Variants in CADPS observed in about 807,000 individuals in gnomAD.
The protein encoded by CADPS is calcium dependent secretion activator.
In CADPS, 57 loss-of-function variants were observed where a neutral mutation model predicts 167.3. The ratio of observed to expected loss-of-function variants is 0.34; its 90% CI spans 0.28 to 0.42. The LOEUF is 0.42. Ranked by LOEUF, CADPS falls within the 20% of genes least tolerant of loss-of-function variation. The pLI is 1.00. For missense variants in CADPS, 1,414 were observed against 1,738.1 expected (o/e 0.81, Z 3.32); for synonymous variants, 676 against 635.3 (o/e 1.06, Z -0.96).
At chr3:62,511,374 A>G (rs1417960578) in intron 17 of CADPS, among the ~76,000 whole-genome samples, 1 of 152,154 alleles carries the variant, frequency 6.6e-6, no homozygotes, top group Non-Finnish European at 1.5e-5. Context: ...GACTCCAGCT[A>G]TACCACTTAT....
Position 62,536,473 on chromosome 3 carries a change from T to C in CADPS, c.2075A>G (p.His692Arg). 1.2e-6 allele frequency: 2 copies of C among 1,613,400 alleles called. No homozygotes were observed. Among genetic ancestry groups the C allele is most frequent in the South Asian group, 2.2e-5 (2 of 91,034 alleles). ...FEMVQRLTLD[H>R]RLNDSYSCLG... ...GCAAGAATAGGAATCATTAAGTCTG[T>C]GATCCAAAGTAAGGCGTTGTACCAT... The change falls in exon 12 of 30, where the codon CAC becomes CGC. Residue 692 changes from histidine to arginine, a missense_variant. By Grantham distance (29) the His-to-Arg change is conservative (BLOSUM62 0). Transcript: ENST00000383710.
chr3:62,487,363 G>A (rs960890380), intron 21 of CADPS, among the ~76,000 whole-genome samples: 11 of 152,202 alleles, frequency 7.2e-5, no homozygotes, highest in Admixed American at 3.9e-4. Context: ...TCCATTTCTT[G>A]TTAGGACCAA....
intron 4 of CADPS, among the ~76,000 whole-genome samples, chr3:62,657,750 A>G (rs2072056061): frequency 6.6e-6 from 1 of 152,102 alleles, no homozygotes; most frequent in African/African-American, 2.4e-5. Context: ...GATTGAACTG[A>G]CAGATTACAC....
chr3:62,433,986 C>T lies in CADPS; in HGVS notation c.3777+4118G>A, dbSNP rs1023159677. ...CTTGAGCTTGTGCTTTCCTCTGTAG[C>T]TGCTGCTTTAGGAATATGGAGATTA... On this transcript the variant is annotated intron_variant, in intron 28 of 29. Transcript: ENST00000383710. This position sits in a 1 kb window ranked among gnomAD's most constrained non-coding sequence, Gnocchi z 4.7. Among the ~76,000 whole-genome samples the T allele has an allele frequency of 3.9e-5, 6 of 152,186 alleles. No homozygotes were observed. Among genetic ancestry groups the T allele is most frequent in the African/African-American group, 1.4e-4 (6 of 41,440 alleles).
At chr3:62,436,104 T>G (rs1196006187) in intron 28 of CADPS, among the ~76,000 whole-genome samples, 1 of 152,142 alleles carries the variant, frequency 6.6e-6, no homozygotes, top group Non-Finnish European at 1.5e-5. Context: ...GGTTGCACTT[T>G]CCTTTAAGAA....
chr3:62,692,279 C>A (rs1254099564), intron 3 of CADPS, among the ~76,000 whole-genome samples: 4 of 119,550 alleles, frequency 3.3e-5, no homozygotes, highest in African/African-American at 3.2e-5. Context: ...GCATTTTAAC[C>A]CCACTTCCAA....
At chr3:62,738,871 A>G (rs2079579046) in intron 3 of CADPS, among the ~76,000 whole-genome samples, 1 of 152,150 alleles carries the variant, frequency 6.6e-6, no homozygotes, top group Non-Finnish European at 1.5e-5. Context: ...TAAAACATTG[A>G]CTGTTTACTA....
chr3:62,484,408 A>T (rs2062500813), intron 21 of CADPS, among the ~76,000 whole-genome samples: 1 of 152,158 alleles, frequency 6.6e-6, no homozygotes, highest in South Asian at 2.1e-4. Context: ...GACTATAATG[A>T]ATTATTACTT....
At chr3:62,779,303 C>A (rs867427580) in intron 1 of CADPS, 5 of 376,040 alleles carry the variant, frequency 1.3e-5, no homozygotes, top group Non-Finnish European at 2.1e-5. Flanking sequence ...TGGGTTGCAG[C>A]CTTCTTTCCC....
intron 3 of CADPS, among the ~76,000 whole-genome samples, chr3:62,686,488 T>C (rs2078056960): frequency 6.6e-6 from 1 of 152,054 alleles, no homozygotes; most frequent in Admixed American, 6.5e-5. Context: ...TTCTGAAGTT[T>C]TTCTCTTTTT....
chr3:62,836,952 T>A (rs1488641175), intron 1 of CADPS, among the ~76,000 whole-genome samples: 1 of 152,144 alleles, frequency 6.6e-6, no homozygotes, highest in East Asian at 1.9e-4. Flanking sequence ...TTTCTACCAA[T>A]ATAGATGCCT....
intron 1 of CADPS, among the ~76,000 whole-genome samples, chr3:62,859,719 C>T (rs1018119772): frequency 2.0e-5 from 3 of 152,152 alleles, no homozygotes; most frequent in Non-Finnish European, 4.4e-5. Flanking sequence ...GGGCTTTTGT[C>T]AAAACTCATA....
chr3:62,615,979 C>T (rs550813173), intron 6 of CADPS, among the ~76,000 whole-genome samples: 3 of 152,152 alleles, frequency 2.0e-5, no homozygotes, highest in Non-Finnish European at 4.4e-5. Context: ...CATCACTTTA[C>T]AGCTAAACTC....
At chr3:62,592,821 G>A (rs979286706) in intron 6 of CADPS, 73 bp from the exon 7 acceptor site, 1 of 1,137,828 alleles carries the variant, frequency 8.8e-7, no homozygotes, top group African/African-American at 1.5e-5. Context: ...ATTGTTCCCA[G>A]GTCAGGTGAA....
chr3:62,434,819 T>A (rs1057484510), intron 28 of CADPS, among the ~76,000 whole-genome samples: 1 of 152,102 alleles, frequency 6.6e-6, no homozygotes, highest in African/African-American at 2.4e-5. Flanking sequence ...CCATCCAGCC[T>A]TTTCTACAAG....
At position 62,421,707 on chromosome 3, in the gene CADPS, T is replaced by A. The variant is rs1465934413; in HGVS notation, c.3777+16397A>T. Among the ~76,000 whole-genome samples, 1 of 152,210 alleles carries A rather than the reference T, an allele frequency of 6.6e-6. No homozygotes were observed. Among genetic ancestry groups the A allele is most frequent in the African/African-American group, 2.4e-5 (1 of 41,462 alleles). ...ACTTTGCCCAAGCCAAGGATTTGGC[T>A]ATGACAATGTCAGATTTCATAATAA... On this transcript the variant is annotated intron_variant, in intron 28 of 29. Coordinates refer to ENST00000383710, the MANE Select transcript of CADPS (RefSeq NM_003716.4). This position sits in a 1 kb window ranked among gnomAD's most constrained non-coding sequence, Gnocchi z 4.7.
At chr3:62,657,725 G>A (rs1048352564) in intron 4 of CADPS, among the ~76,000 whole-genome samples, 4 of 152,120 alleles carry the variant, frequency 2.6e-5, no homozygotes, top group East Asian at 1.9e-4. Flanking sequence ...CTGATGATTC[G>A]TGAGATGCTG....
At chr3:62,617,106 G>A (rs773742931) in intron 6 of CADPS, among the ~76,000 whole-genome samples, 44 of 152,270 alleles carry the variant, frequency 2.9e-4, no homozygotes, top group Non-Finnish European at 4.9e-4. Flanking sequence ...CTAGCTCCTG[G>A]TTTGTCTTAG....
chr3:62,622,503 A>T (rs1282286910), intron 6 of CADPS, among the ~76,000 whole-genome samples: 1 of 152,158 alleles, frequency 6.6e-6, no homozygotes, highest in East Asian at 1.9e-4. Context: ...TTTAGCTATG[A>T]TTTTAAAGGT....
Sources: allele counts gnomAD v4.1 joint callset (sites outside exome capture counted in the v4.1 genomes callset), GRCh38; gene constraint gnomAD v4.1.1; non-coding constraint Gnocchi (gnomAD v3.1); transcripts MANE v1.5; gene names NCBI Gene and HGNC (gene_info 2026-07-23, HGNC 2026-07-21).